Variants in PCDHGA5 observed in about 807,000 individuals in gnomAD.
PCDHGA5 encodes the protein protocadherin gamma-A5.
A neutral mutation model predicts 56.7 loss-of-function variants in PCDHGA5; 36 were observed. The ratio of observed to expected loss-of-function variants is 0.64; its 90% confidence interval spans 0.49 to 0.84. The LOEUF is 0.84. Ranked by LOEUF, PCDHGA5 falls within the 40% of genes least tolerant of loss-of-function variation. The probability of loss-of-function intolerance (pLI) is 0.00; values close to 1 mark genes in which losing one functional copy is unlikely to be tolerated. For missense variants in PCDHGA5, 1,305 were observed against 1,201.5 expected, an observed-to-expected ratio of 1.09 and a Z score of -1.27; for synonymous variants, 563 against 520.2, an observed-to-expected ratio of 1.08 and a Z score of -1.12.
chr5:141,463,388 C>T (rs1470533734), intron 1 of PCDHGA5, among the ~76,000 whole-genome samples: 1 of 150,092 alleles, frequency 6.7e-6, no homozygotes, highest in Non-Finnish European at 1.5e-5. Flanking sequence ...AAAGTTGTCT[C>T]CAGGCAAAAA....
Position 141,403,510 on chromosome 5 carries a change from C to T in PCDHGA5, c.2421+36759C>T, listed in dbSNP as rs201146573. ...TCTCCCTGAACGTGCAGACTGGAGA[C>T]AATGGAGCCATAAACCCAGAGCTGG... On this transcript the variant is annotated intron_variant, in intron 1 of 3. Transcript: ENST00000518069. 9.2e-4 allele frequency: 1,478 copies of T among 1,614,022 alleles called. 1 individual carries two copies. Among genetic ancestry groups the T allele is most frequent in the Non-Finnish European group, 1.2e-3 (1,414 of 1,179,888 alleles).
intron 3 of PCDHGA5, 48 bp downstream of exon 3, chr5:141,505,529 T>C (rs1479433990): frequency 1.9e-6 from 3 of 1,612,066 alleles, no homozygotes; most frequent in Non-Finnish European, 2.5e-6. Context: ...CCTGGGGTTC[T>C]GGGGTGCATC....
intron 1 of PCDHGA5, chr5:141,408,464 A>C (rs764186219): frequency 6.2e-7 from 1 of 1,613,934 alleles, no homozygotes; most frequent in South Asian, 1.1e-5. Context: ...ACTTGTGAAG[A>C]ACCGAATAGA....
Position 141,364,500 on chromosome 5 carries a change from A to G in PCDHGA5, c.170A>G (p.Gln57Arg). 4.3e-6 allele frequency: 7 copies of G among 1,614,008 alleles called. No individual in the cohort carries two copies. The highest frequency in any genetic ancestry group is 5.9e-6 in the Non-Finnish European group (7 of 1,179,886). The change falls in exon 1 of 4, where the codon CAG becomes CGG. Residue 57 changes from glutamine to arginine, a missense_variant. Physicochemically the swap from Gln to Arg is conservative, Grantham distance 43. Transcript: ENST00000518069. ...NIAKDLGLEP[Q>R]ELAERGVRIV... Reference sequence around the variant, plus strand: ...GCCAAGGACCTTGGGCTGGAGCCCCAGGAGCTGGCGGAGCGCGGAGTCCGC... The same window carrying G: ...GCCAAGGACCTTGGGCTGGAGCCCCGGGAGCTGGCGGAGCGCGGAGTCCGC...
chr5:141,511,462 C>T lies in PCDHGA5; in HGVS notation c.*289C>T, dbSNP rs1385398410. On this transcript the variant is annotated 3_prime_UTR_variant, in exon 4 of 4. Transcript: ENST00000518069. Reference sequence around the variant, plus strand: ...AGACACCAAGAACCATTTGCCACACCCCGTTTAGTTACAGCTGAACTCCTC... The same window carrying T: ...AGACACCAAGAACCATTTGCCACACTCCGTTTAGTTACAGCTGAACTCCTC... 5.4e-6 allele frequency: 3 copies of T among 556,350 alleles called. No individual in the cohort carries two copies. In the South Asian group the frequency reaches 6.3e-5, roughly 12 times the overall value. 34.5% of individuals were successfully genotyped at this position (556,350 alleles called of 1,614,324 possible).
chr5:141,384,523 C>T, intron 1 of PCDHGA5: 3 of 1,614,256 alleles, frequency 1.9e-6, no homozygotes, highest in South Asian at 1.1e-5. Context: ...GGACCCGCCT[C>T]TCAGCAGCAA....
chr5:141,416,016 G>C (rs190922355), intron 1 of PCDHGA5: 29 of 227,390 alleles, frequency 1.3e-4, no homozygotes, highest in Non-Finnish European at 2.2e-4. Context: ...GAATAGGTAA[G>C]TATCAGAAAG....
intron 1 of PCDHGA5, among the ~76,000 whole-genome samples, chr5:141,448,796 T>G (rs1268643310): frequency 1.0e-4 from 15 of 150,106 alleles, no homozygotes; most frequent in Admixed American, 4.0e-4. Context: ...AAAAAAAAAA[T>G]TAGCCAGGCG....
intron 1 of PCDHGA5, chr5:141,376,548 T>A: frequency 6.2e-7 from 1 of 1,612,424 alleles, no homozygotes; most frequent in South Asian, 1.1e-5. Flanking sequence ...TAATCTGATC[T>A]TCCCGCAACC....
intron 1 of PCDHGA5, chr5:141,427,617 G>C (rs1295636754): frequency 1.4e-6 from 1 of 694,694 alleles, no homozygotes. Context: ...TGAAGTCAAC[G>C]ACAATGCTCC....
chr5:141,419,140 G>C, intron 1 of PCDHGA5: 1 of 1,613,868 alleles, frequency 6.2e-7, no homozygotes, highest in Non-Finnish European at 8.5e-7. Flanking sequence ...CCACAGACAG[G>C]GGCAAGCCTC....
At chr5:141,446,837 T>G (rs2098518039) in intron 1 of PCDHGA5, among the ~76,000 whole-genome samples, 1 of 152,168 alleles carries the variant, frequency 6.6e-6, no homozygotes, top group South Asian at 2.1e-4. Flanking sequence ...CTTATAAGGC[T>G]GAGCATAATA....
chr5:141,366,141 T>A lies in PCDHGA5; in HGVS notation c.1811T>A (p.Leu604Gln). The stretch of plus-strand genomic sequence containing the variant: ...AAAGATTCAGGCCAGAACGCCTGGC[T>A]GTCCTACCGCCTGCTTAAGGCCAGC... ...VDKDSGQNAWLSYRLLKASEP... is the reference protein window; with the variant it reads ...VDKDSGQNAWQSYRLLKASEP... The change falls in exon 1 of 4, where the codon CTG becomes CAG. Residue 604 changes from leucine to glutamine, a missense_variant. Coordinates refer to ENST00000518069, the MANE Select transcript of PCDHGA5 (RefSeq NM_018918.3). 6.2e-7 allele frequency: 1 copy of A among 1,614,170 alleles called. No homozygotes were observed. The highest frequency in any genetic ancestry group is 8.5e-7 in the Non-Finnish European group (1 of 1,180,042).
At chr5:141,383,577 C>T in intron 1 of PCDHGA5, 1 of 1,613,420 alleles carries the variant, frequency 6.2e-7, no homozygotes, top group Non-Finnish European at 8.5e-7. Context: ...CCAGCACCGC[C>T]CACATCCAGG....
At chr5:141,415,182 C>A (rs2095840318) in intron 1 of PCDHGA5, 1 of 1,613,842 alleles carries the variant, frequency 6.2e-7, no homozygotes, top group Admixed American at 1.7e-5. Flanking sequence ...TGGCCGTGGC[C>A]GACAGCATCC....
rs57419416 is a variant in PCDHGA5, at chr5:141,368,862, T to C, written c.2421+2111T>C. On this transcript the variant is annotated intron_variant, in intron 1 of 3. Transcript: ENST00000518069. ...TTGGAAGGCACTTGCTTTGGAATGT[T>C]TTGGAGCAAAGTCTTGAGTCAGTTA... Among the ~76,000 whole-genome samples, 1,508 of 152,302 alleles carry C rather than the reference T, an allele frequency of 9.9e-3. 27 individuals are homozygous for C. Among genetic ancestry groups the C allele is most frequent in the African/African-American group, 0.034 (1,407 of 41,562 alleles).
Position 141,364,444 on chromosome 5 carries a change from G to T in PCDHGA5, c.114G>T (p.Glu38Asp), listed in dbSNP as rs763812154. 6.2e-6 allele frequency: 10 copies of T among 1,613,956 alleles called. No homozygotes were observed. Among genetic ancestry groups the T allele is most frequent in the Non-Finnish European group, 8.5e-6 (10 of 1,179,850 alleles). ...SGQIRYSMPE[E>D]LDKGSFVGNI... The stretch of plus-strand genomic sequence containing the variant: ...AGATCCGCTACTCGATGCCGGAGGA[G>T]CTGGACAAAGGCTCCTTCGTCGGCA... The change falls in exon 1 of 4, where the codon GAG becomes GAT. Residue 38 changes from glutamate (E) to aspartate (D), a missense_variant. Transcript: ENST00000518069.
At position 141,511,410 on chromosome 5, in the gene PCDHGA5, T is replaced by A; in HGVS notation, c.*237T>A. The stretch of plus-strand genomic sequence containing the variant: ...GGAACCCCCATCCAATCAACTGCTG[T>A]ACCCATGGGGGTAGTGGGGTTACTG... On this transcript the variant is annotated 3_prime_UTR_variant, in exon 4 of 4. Coordinates refer to ENST00000518069, the MANE Select transcript of PCDHGA5 (RefSeq NM_018918.3). 1 of 908,820 alleles carries A rather than the reference T, an allele frequency of 1.1e-6. No individual in the cohort carries two copies. The highest frequency in any genetic ancestry group is 1.6e-6 in the Non-Finnish European group (1 of 624,202). 56.3% of individuals were successfully genotyped at this position (908,820 alleles called of 1,614,324 possible). A position where few individuals can be genotyped will look rare whatever the true frequency, so the allele number is the denominator to read the frequency against.
At chr5:141,367,576 C>T (rs1435052087) in intron 1 of PCDHGA5, 1 of 138,304 alleles carries the variant, frequency 7.2e-6, no homozygotes, top group African/African-American at 2.7e-5. Context: ...AAATAAATAT[C>T]AGAAAAGTAG....
Sources: gnomAD v4.1 joint callset for allele counts (sites outside exome capture counted in the v4.1 genomes callset) on GRCh38, gnomAD v4.1.1 for gene constraint, MANE v1.5 for transcripts, NCBI Gene and HGNC (gene_info 2026-07-23, HGNC 2026-07-21) for gene names.